The following ZNF248 variants were observed in gnomAD, a reference collection of about 807,000 sequenced individuals.
ZNF248 encodes zinc finger protein 248.
Under a neutral mutation model 44.3 loss-of-function variants are expected in ZNF248, and 20 were observed. The ratio of observed to expected loss-of-function variants is 0.45; its 90% CI spans 0.32 to 0.66. The LOEUF (loss-of-function observed/expected upper bound fraction) is 0.66, where lower values mean the gene tolerates loss of function less well. Ranked by LOEUF, ZNF248 falls within the 30% of genes least tolerant of loss-of-function variation. The pLI is 0.04. For synonymous variants in ZNF248, 224 were observed against 229.0 expected, an observed-to-expected ratio of 0.98 and a Z score of 0.20; for missense variants, 654 against 677.0, an observed-to-expected ratio of 0.97 and a Z score of 0.38.
At chr10:37,788,000 G>A (rs1439688456) in intron 6 of ZNF248, among the ~76,000 whole-genome samples, 2 of 152,166 alleles carry the variant, frequency 1.3e-5, no homozygotes, top group African/African-American at 2.4e-5. Context: ...CAGGCATGGT[G>A]GCTCAAGTCT....
downstream of ZNF248, among the ~76,000 whole-genome samples, chr10:37,773,475 A>G (rs2046350320): frequency 6.6e-6 from 1 of 152,234 alleles, no homozygotes; most frequent in Non-Finnish European, 1.5e-5. Context: ...TATGGAAAAG[A>G]GTATGGTGTG....
At chr10:37,816,227 T>G (rs984319751) in intron 6 of ZNF248, among the ~76,000 whole-genome samples, 7 of 152,182 alleles carry the variant, frequency 4.6e-5, no homozygotes, top group African/African-American at 7.2e-5. Context: ...GGGGAAGGAC[T>G]TGCAACAATG....
intron 6 of ZNF248, among the ~76,000 whole-genome samples, chr10:37,822,058 TC>T (rs1183110503): frequency 1.3e-5 from 2 of 152,130 alleles, no homozygotes; most frequent in African/African-American, 4.8e-5. Context: ...CCTCCCGGTG[TC>T]GTCAGAGGCC....
chr10:37,771,189 TCAA>T, the ZNF248 span, among the ~76,000 whole-genome samples: 7 of 152,188 alleles, frequency 4.6e-5, no homozygotes, highest in Non-Finnish European at 7.3e-5. Flanking sequence ...GTAAACCAGT[TCAA>T]CAATTGTGGA....
At chr10:37,778,807 A>T (rs888813341) in intron 6 of ZNF248, among the ~76,000 whole-genome samples, 8 of 152,090 alleles carry the variant, frequency 5.3e-5, no homozygotes, top group South Asian at 2.1e-4. Flanking sequence ...ATCAAATAGA[A>T]GCAATAAAAA....
chr10:37,785,133 G>T (rs1474712370), intron 6 of ZNF248, among the ~76,000 whole-genome samples: 3 of 152,266 alleles, frequency 2.0e-5, no homozygotes, highest in African/African-American at 7.2e-5. Context: ...TCCATCTGTT[G>T]TCCTTCATCC....
chr10:37,828,081 G>A (rs2054670505), downstream of ZNF248, among the ~76,000 whole-genome samples: 1 of 152,166 alleles, frequency 6.6e-6, no homozygotes, highest in South Asian at 2.1e-4. Context: ...TAGTGTATGA[G>A]AAAAAGTATT....
intron 5 of ZNF248, among the ~76,000 whole-genome samples, chr10:37,835,128 A>T (rs371918710): frequency 8.3e-5 from 12 of 144,784 alleles, no homozygotes; most frequent in African/African-American, 2.9e-4. Flanking sequence ...AATTTAGGCT[A>T]AAAAAAAAGA....
chr10:37,772,253 A>T (rs1212968035), downstream of ZNF248, among the ~76,000 whole-genome samples: 1 of 150,080 alleles, frequency 6.7e-6, no homozygotes, highest in African/African-American at 2.5e-5. Context: ...CAACAGAGTG[A>T]GACTGTCTCA....
intron 6 of ZNF248, among the ~76,000 whole-genome samples, chr10:37,813,849 T>C (rs2051974013): frequency 6.6e-6 from 1 of 152,192 alleles, no homozygotes; most frequent in Admixed American, 6.5e-5. Context: ...CTGCTCTTTT[T>C]ACAACTTGCA....
At position 37,831,512 on chromosome 10, in the gene ZNF248, A is replaced by T. The variant is rs2133882844; in HGVS notation, c.*103T>A. ...CTTGAAAGCTTTTACATATTCAAAC[A>T]AGAAGTCATTTTCTACAAATTTCTG... On this transcript the variant is annotated 3_prime_UTR_variant, in exon 6 of 6. Transcript: ENST00000395867. 1 of 1,483,392 alleles carries T rather than the reference A, an allele frequency of 6.7e-7. No homozygotes were observed. The highest frequency in any genetic ancestry group is 1.4e-5 in the South Asian group (1 of 70,148). 91.9% of individuals were successfully genotyped at this position (1,483,392 alleles called of 1,614,324 possible).
chr10:37,769,639 A>C, the ZNF248 span, among the ~76,000 whole-genome samples: 2 of 152,190 alleles, frequency 1.3e-5, no homozygotes, highest in Non-Finnish European at 2.9e-5. Context: ...AATAAGAGCT[A>C]TCTATGACAA....
chr10:37,853,589 A>G (rs1455558589), intron 3 of ZNF248, among the ~76,000 whole-genome samples: 2 of 151,730 alleles, frequency 1.3e-5, no homozygotes, highest in African/African-American at 4.8e-5. Context: ...CATGTTGGTC[A>G]GGCTGGTCGC....
At chr10:37,769,996 CA>C in the ZNF248 span, among the ~76,000 whole-genome samples, 1 of 152,074 alleles carries the variant, frequency 6.6e-6, no homozygotes, top group Non-Finnish European at 1.5e-5. Context: ...AACAGAGAGC[CA>C]AATCATGAGT....
chr10:37,834,476 A>T (rs1421106316), intron 5 of ZNF248, among the ~76,000 whole-genome samples: 1 of 152,216 alleles, frequency 6.6e-6, no homozygotes, highest in Non-Finnish European at 1.5e-5. Context: ...TTCAGAATGT[A>T]TGAAAATGAA....
chr10:37,789,268 G>C (rs12359608), intron 6 of ZNF248, among the ~76,000 whole-genome samples: 14,828 of 150,562 alleles, frequency 0.098, 964 homozygotes, highest in Admixed American at 0.18. Flanking sequence ...GTGGATGAAT[G>C]TTAAGTTACA....
At chr10:37,850,412 C>G (rs756110687) in intron 3 of ZNF248, among the ~76,000 whole-genome samples, 1 of 152,024 alleles carries the variant, frequency 6.6e-6, no homozygotes, top group Non-Finnish European at 1.5e-5. Context: ...TATCAAACTC[C>G]CAACAAGGAT....
intron 5 of ZNF248, among the ~76,000 whole-genome samples, chr10:37,837,234 C>T (rs1246450055): frequency 1.3e-5 from 2 of 152,058 alleles, no homozygotes; most frequent in Non-Finnish European, 2.9e-5. Context: ...CTGTCTCAGC[C>T]TCCCAAGCAG....
the ZNF248 span, among the ~76,000 whole-genome samples, chr10:37,759,922 TA>T: frequency 1.3e-5 from 2 of 152,102 alleles, no homozygotes; most frequent in Non-Finnish European, 2.9e-5. Flanking sequence ...GAAGAACCGC[TA>T]GGCAGGGAGG....
Sources: gnomAD v4.1 joint callset for allele counts (sites outside exome capture counted in the v4.1 genomes callset) on GRCh38, gnomAD v4.1.1 for gene constraint, MANE v1.5 for transcripts, NCBI Gene and HGNC (gene_info 2026-07-23, HGNC 2026-07-21) for gene names.